Variants in CTNNA2 observed in about 807,000 individuals in gnomAD.
The protein encoded by CTNNA2 is catenin alpha 2.
Under a neutral mutation model 101.0 loss-of-function variants are expected in CTNNA2, and 42 were observed. The ratio of observed to expected loss-of-function variants is 0.42; its 90% CI spans 0.32 to 0.54. The LOEUF is 0.54. Among genes scored for constraint, CTNNA2 ranks in the 20% least tolerant of loss-of-function variants. CTNNA2 has a pLI of 0.14. For missense variants in CTNNA2, 871 were observed against 1,223.1 expected (o/e 0.71, Z 4.29); for synonymous variants, 450 against 456.4 (o/e 0.99, Z 0.18).
intron 9 of CTNNA2, among the ~76,000 whole-genome samples, chr2:80,459,390 T>A (rs1011480420): frequency 6.6e-6 from 1 of 152,174 alleles, no homozygotes; most frequent in South Asian, 2.1e-4. Flanking sequence ...ACAGTTCACC[T>A]TGACATTGAG....
chr2:80,551,722 G>A (rs540299481), intron 11 of CTNNA2, among the ~76,000 whole-genome samples: 30 of 152,284 alleles, frequency 2.0e-4, no homozygotes, highest in African/African-American at 6.0e-4. Flanking sequence ...TGCTGTGGCC[G>A]ATATGATCTT....
chr2:80,513,189 A>G (rs1439715758), intron 9 of CTNNA2, among the ~76,000 whole-genome samples: 1 of 152,164 alleles, frequency 6.6e-6, no homozygotes, highest in East Asian at 1.9e-4. Context: ...ATTAATTCAT[A>G]TGCATAACTA....
intron 7 of CTNNA2, among the ~76,000 whole-genome samples, chr2:79,982,274 T>TAACACAC (rs1324800009): frequency 0.018 from 2,400 of 136,848 alleles, 139 homozygotes; most frequent in African/African-American, 0.063. Context: ...ATAACATATA[T>TAACACAC]ATAATATATA....
chr2:79,242,942 G>A (rs1434682026), intron 2 of CTNNA2, among the ~76,000 whole-genome samples: 1 of 148,594 alleles, frequency 6.7e-6, no homozygotes, highest in Admixed American at 6.8e-5. Context: ...ACTCCAGTCT[G>A]AGCAACAAAG....
intron 7 of CTNNA2, among the ~76,000 whole-genome samples, chr2:79,965,110 G>T (rs535249411): frequency 6.6e-6 from 1 of 152,290 alleles, no homozygotes; most frequent in Non-Finnish European, 1.5e-5. Flanking sequence ...TCACTCCGAG[G>T]AGTCATTTTC....
intron 2 of CTNNA2, among the ~76,000 whole-genome samples, chr2:79,684,287 T>C (rs1263708396): frequency 6.6e-6 from 1 of 152,248 alleles, no homozygotes; most frequent in African/African-American, 2.4e-5. Flanking sequence ...TATTTTCTAT[T>C]CTATCTTCTG....
In CTNNA2 at chr2:79,311,041, T is replaced by C. The variant is rs116530140; in HGVS notation, c.-405-1668T>C. Among the ~76,000 whole-genome samples the C allele has an allele frequency of 3.2e-3, 490 of 152,222 alleles. 2 individuals are homozygous for C. The highest frequency in any genetic ancestry group is 0.011 in the African/African-American group (460 of 41,562). On this transcript the variant is annotated intron_variant, in intron 2 of 21. Transcript: ENST00000466387. The stretch of plus-strand genomic sequence containing the variant: ...GCACAGGAATTATAACTTGCATATG[T>C]TGATTAACTAAAAAAGCCCAACAGT...
At chr2:79,487,503 T>C (rs1361960659) in intron 4 of CTNNA2, among the ~76,000 whole-genome samples, 1 of 152,206 alleles carries the variant, frequency 6.6e-6, no homozygotes, top group Non-Finnish European at 1.5e-5. Context: ...AATCTTGCAG[T>C]GCTCATTTGG....
chr2:79,875,464 A>G (rs1424674787), intron 6 of CTNNA2, among the ~76,000 whole-genome samples: 1 of 152,212 alleles, frequency 6.6e-6, no homozygotes, highest in Non-Finnish European at 1.5e-5. Context: ...AAAATAGGTT[A>G]CTTAATGGTC....
At chr2:79,603,636 A>T (rs1041670197) in intron 1 of CTNNA2, among the ~76,000 whole-genome samples, 1 of 152,210 alleles carries the variant, frequency 6.6e-6, no homozygotes, top group Non-Finnish European at 1.5e-5. Context: ...ACCCCAATAC[A>T]TATTAAACTA....
intron 3 of CTNNA2, among the ~76,000 whole-genome samples, chr2:79,798,597 T>C (rs72824548): frequency 6.7e-6 from 1 of 149,146 alleles, no homozygotes; most frequent in African/African-American, 2.5e-5. Flanking sequence ...AAATACTCAT[T>C]CTTGAAAGAA....
chr2:80,010,703 T>G (rs1693715979), intron 7 of CTNNA2, among the ~76,000 whole-genome samples: 1 of 117,906 alleles, frequency 8.5e-6, no homozygotes, highest in Non-Finnish European at 2.0e-5. Flanking sequence ...GTAATTGTGG[T>G]TTTTGCCATT....
chr2:79,911,864 C>G (rs907719885), intron 7 of CTNNA2, among the ~76,000 whole-genome samples: 3 of 152,180 alleles, frequency 2.0e-5, no homozygotes, highest in Non-Finnish European at 4.4e-5. Flanking sequence ...GCAGCCAGAT[C>G]ACCTTCATAA....
intron 9 of CTNNA2, among the ~76,000 whole-genome samples, chr2:80,494,766 A>G (rs1388567959): frequency 7.5e-6 from 1 of 134,122 alleles, no homozygotes; most frequent in African/African-American, 2.8e-5. Flanking sequence ...TTTATGACTC[A>G]TAGAATAAAA....
chr2:79,293,171 A>G (rs1675872367), intron 2 of CTNNA2: 1 of 152,178 alleles, frequency 6.6e-6, no homozygotes, highest in Non-Finnish European at 1.5e-5. Context: ...TTTTTAAGAC[A>G]TCTATTTGCA....
intron 3 of CTNNA2, among the ~76,000 whole-genome samples, chr2:79,335,000 C>T (rs1469995368): frequency 1.3e-5 from 2 of 152,158 alleles, no homozygotes; most frequent in African/African-American, 4.8e-5. Flanking sequence ...TCCCCCACCG[C>T]CCATGCACAC....
chr2:79,274,489 T>C (rs1298578970), intron 2 of CTNNA2, among the ~76,000 whole-genome samples: 1 of 152,070 alleles, frequency 6.6e-6, no homozygotes, highest in African/African-American at 2.4e-5. Context: ...AAAAAGCATA[T>C]ACATTATAGA....
chr2:79,908,975 C>T (rs1685606051), intron 6 of CTNNA2, among the ~76,000 whole-genome samples: 1 of 152,180 alleles, frequency 6.6e-6, no homozygotes, highest in Admixed American at 6.5e-5. Flanking sequence ...ATATAGGCTC[C>T]TTCCAAACAG....
At chr2:79,619,177 G>C (rs1254508373) in intron 1 of CTNNA2, among the ~76,000 whole-genome samples, 2 of 152,254 alleles carry the variant, frequency 1.3e-5, no homozygotes, top group African/African-American at 4.8e-5. Flanking sequence ...CTGCACTCCA[G>C]CCTGGGTGAC....
Sources: gnomAD v4.1 joint callset for allele counts (sites outside exome capture counted in the v4.1 genomes callset) on GRCh38, gnomAD v4.1.1 for gene constraint, MANE v1.5 for transcripts, NCBI Gene and HGNC (gene_info 2026-07-23, HGNC 2026-07-21) for gene names.